The following SEMA6D variants were observed in gnomAD, a reference collection of about 807,000 sequenced individuals.
The protein encoded by SEMA6D is semaphorin 6D.
SEMA6D carries 35 observed loss-of-function variants against 106.6 expected under a neutral mutation model. The observed-to-expected ratio is 0.33, with a 90% CI of 0.25 to 0.44. The LOEUF (loss-of-function observed/expected upper bound fraction) is 0.44. SEMA6D is among the 20% of genes least tolerant of loss of function. The pLI, the probability that SEMA6D is intolerant of heterozygous loss-of-function variation, is 1.00. For missense variants in SEMA6D, 1,185 were observed against 1,345.9 expected, an observed-to-expected ratio of 0.88 and a Z score of 1.87; for synonymous variants, 499 against 487.7, an observed-to-expected ratio of 1.02 and a Z score of -0.31.
At chr15:47,269,196 G>A (rs894549325) in intron 1 of SEMA6D, among the ~76,000 whole-genome samples, 1 of 151,906 alleles carries the variant, frequency 6.6e-6, no homozygotes, top group Admixed American at 6.6e-5. Flanking sequence ...TATAAATAAT[G>A]TATGCCTGTG....
intron 3 of SEMA6D, among the ~76,000 whole-genome samples, chr15:47,503,221 A>G (rs1656605): frequency 0.36 from 54,060 of 152,038 alleles, 10,134 homozygotes; most frequent in East Asian, 0.49. Context: ...TTCTGCTGAT[A>G]TATCTATTTA....
intron 4 of SEMA6D, among the ~76,000 whole-genome samples, chr15:47,617,977 T>A (rs1475051159): frequency 6.6e-6 from 1 of 152,234 alleles, no homozygotes; most frequent in Non-Finnish European, 1.5e-5. Context: ...CTCTTCTCCC[T>A]TAATTGAGTT....
At chr15:47,255,697 G>T (rs2033770743) in intron 1 of SEMA6D, among the ~76,000 whole-genome samples, 3 of 152,022 alleles carry the variant, frequency 2.0e-5, no homozygotes, top group Admixed American at 1.3e-4. Flanking sequence ...TATCAAAATA[G>T]TTTTTAATTG....
chr15:47,650,772 G>A (rs1054853158), intron 4 of SEMA6D, among the ~76,000 whole-genome samples: 1 of 152,176 alleles, frequency 6.6e-6, no homozygotes. Context: ...AAAGTCCAGG[G>A]TGATATTGCT....
chr15:47,333,825 T>C (rs911164489), intron 1 of SEMA6D, among the ~76,000 whole-genome samples: 1 of 152,206 alleles, frequency 6.6e-6, no homozygotes, highest in Non-Finnish European at 1.5e-5. Context: ...AGTTCCTGGC[T>C]TACAACTCCC....
chr15:47,590,642 T>G (rs2076421931), intron 3 of SEMA6D, among the ~76,000 whole-genome samples: 1 of 149,680 alleles, frequency 6.7e-6, no homozygotes. Flanking sequence ...GTAAATACCA[T>G]ATGACTGGCA....
chr15:47,370,733 G>A (rs914879648), intron 1 of SEMA6D, among the ~76,000 whole-genome samples: 4 of 145,518 alleles, frequency 2.7e-5, no homozygotes, highest in African/African-American at 7.6e-5. Context: ...GGCAGCACGC[G>A]CCAGTAGTCC....
At chr15:47,303,434 T>C (rs996449930) in intron 1 of SEMA6D, among the ~76,000 whole-genome samples, 2 of 152,196 alleles carry the variant, frequency 1.3e-5, no homozygotes, top group African/African-American at 2.4e-5. Flanking sequence ...CTTCTTCAAG[T>C]CTTTGCCTAA....
At chr15:47,270,104 A>G (rs551573579) in intron 1 of SEMA6D, among the ~76,000 whole-genome samples, 148 of 149,254 alleles carry the variant, frequency 9.9e-4, no homozygotes, top group African/African-American at 3.2e-3. Flanking sequence ...TGTTTGTTAC[A>G]TTTTATTTAA....
At chr15:47,567,806 A>G (rs1019058754) in intron 3 of SEMA6D, among the ~76,000 whole-genome samples, 1 of 152,204 alleles carries the variant, frequency 6.6e-6, no homozygotes, top group Non-Finnish European at 1.5e-5. Context: ...TAGGCCCTTA[A>G]CAAGAGATTA....
At chr15:47,635,384 C>T (rs1459484389) in intron 4 of SEMA6D, among the ~76,000 whole-genome samples, 1 of 152,068 alleles carries the variant, frequency 6.6e-6, no homozygotes, top group African/African-American at 2.4e-5. Flanking sequence ...ATAAGGGAGG[C>T]ATGACCCTAG....
intron 1 of SEMA6D, among the ~76,000 whole-genome samples, chr15:47,279,770 A>T: frequency 6.6e-6 from 1 of 151,902 alleles, no homozygotes; most frequent in African/African-American, 2.4e-5. Context: ...CCTTTTCTGC[A>T]TCTATTGAGA....
intron 1 of SEMA6D, among the ~76,000 whole-genome samples, chr15:47,755,648 C>T (rs2081678146): frequency 6.6e-6 from 1 of 151,708 alleles, no homozygotes; most frequent in Non-Finnish European, 1.5e-5. Context: ...CATTTTTCTC[C>T]TCTTCTAGAG....
intron 1 of SEMA6D, among the ~76,000 whole-genome samples, chr15:47,323,183 T>C (rs2036991802): frequency 6.6e-6 from 1 of 152,142 alleles, no homozygotes; most frequent in Non-Finnish European, 1.5e-5. Flanking sequence ...CGGCTTCTTC[T>C]CTCCTGTTGT....
At chr15:47,661,637 G>C (rs1168656894) in intron 4 of SEMA6D, among the ~76,000 whole-genome samples, 1 of 152,192 alleles carries the variant, frequency 6.6e-6, no homozygotes, top group Non-Finnish European at 1.5e-5. Context: ...GACTTTGAAG[G>C]TAAGACTGTT....
chr15:47,772,392 T>TGTGTGTGTG lies in SEMA6D; in HGVS notation c.*607_*608insGTGTGTGTG, dbSNP rs1263517167. ...TGTGTGTGTGTGTGTGTGTGTGTGT[T>TGTGTGTGTG]CTGTACCCACTAGGATTTGTTTAGG... On this transcript the variant is annotated 3_prime_UTR_variant, in exon 19 of 19. Coordinates refer to ENST00000536845, the MANE Select transcript of SEMA6D (RefSeq NM_001358351.3). The TGTGTGTGTG allele has an allele frequency of 5.0e-5, 2 of 40,090 alleles. No homozygotes were observed. The highest frequency in any genetic ancestry group is 1.2e-4 in the African/African-American group (1 of 8,434). The allele number at this position is 40,090 out of a possible 1,614,324, so 2.5% of individuals were successfully genotyped here.
intron 1 of SEMA6D, among the ~76,000 whole-genome samples, chr15:47,334,578 G>C (rs1388883033): frequency 6.6e-6 from 1 of 152,152 alleles, no homozygotes; most frequent in Non-Finnish European, 1.5e-5. Flanking sequence ...CTTCTGTGTT[G>C]ATTACTGTTA....
intron 3 of SEMA6D, among the ~76,000 whole-genome samples, chr15:47,566,865 C>T (rs529254504): frequency 8.8e-4 from 134 of 152,232 alleles, no homozygotes; most frequent in Non-Finnish European, 7.6e-4. Flanking sequence ...ATGGGGAGTT[C>T]TGAAGGAAGA....
chr15:47,253,277 T>G (rs868310455), intron 1 of SEMA6D, among the ~76,000 whole-genome samples: 16 of 152,204 alleles, frequency 1.1e-4, no homozygotes, highest in South Asian at 4.1e-4. Context: ...AGATGCATAG[T>G]TTGCAAATAT....
Sources: gnomAD v4.1 joint callset for allele counts (sites outside exome capture counted in the v4.1 genomes callset) on GRCh38, gnomAD v4.1.1 for gene constraint, MANE v1.5 for transcripts, NCBI Gene and HGNC (gene_info 2026-07-23, HGNC 2026-07-21) for gene names.